The following FBXW2 variants were observed in gnomAD, a reference collection of about 807,000 sequenced individuals.
FBXW2 encodes F-box/WD repeat-containing protein 2.
A neutral mutation model predicts 46.0 loss-of-function variants in FBXW2; 12 were observed. The ratio of observed to expected loss-of-function variants is 0.26; its 90% CI spans 0.17 to 0.42. The LOEUF (loss-of-function observed/expected upper bound fraction) is 0.42, where lower values mean the gene tolerates loss of function less well. Among genes scored for constraint, FBXW2 ranks in the 10% least tolerant of loss-of-function variants. The probability of loss-of-function intolerance (pLI) is 1.00; values close to 1 mark genes in which losing one functional copy is unlikely to be tolerated. For synonymous variants in FBXW2, 203 were observed against 209.6 expected, an observed-to-expected ratio of 0.97 and a Z score of 0.27; for missense variants, 360 against 537.0, an observed-to-expected ratio of 0.67 and a Z score of 3.26.
intron 7 of FBXW2, among the ~76,000 whole-genome samples, chr9:120,767,356 T>G (rs552530094): frequency 2.0e-5 from 3 of 152,122 alleles, no homozygotes; most frequent in African/African-American, 7.2e-5. Flanking sequence ...CTAAAAGAGG[T>G]AGACATTTAG....
rs769379419 is a variant in FBXW2, at chr9:120,788,136, G to A, written c.123C>T (p.Leu41=). The change falls in exon 3 of 8, where the codon CTC becomes CTT. Residue 41 remains leucine (L), a synonymous_variant. Transcript: ENST00000608872. The part of the protein sequence containing the change: ...HLISLSGAVQ[L]RHLSNNLETL... ...TCTCTAGGTTATTGGAGAGATGCCT[G>A]AGCTGGACTGCCCCACTCAGACTAA... is the stretch of plus-strand genomic sequence containing the variant. 13 of 1,614,150 alleles carry A rather than the reference G, an allele frequency of 8.1e-6. No homozygotes were observed. The South Asian group carries it at 9.9e-5, about 12-fold the overall frequency.
intron 2 of FBXW2, chr9:120,792,831 C>T: frequency 7.4e-7 from 1 of 1,347,932 alleles, no homozygotes; most frequent in Non-Finnish European, 9.9e-7. Flanking sequence ...ACCATTATTA[C>T]TTAGCATTAA....
chr9:120,776,036 T>C, intron 5 of FBXW2, 57 bp downstream of exon 5: 4 of 1,600,964 alleles, frequency 2.5e-6, no homozygotes, highest in Non-Finnish European at 3.4e-6. Context: ...TCTACCATCC[T>C]CCACGCCCTC....
Position 120,788,045 on chromosome 9 carries a change from G to A in FBXW2, c.214C>T (p.Leu72Phe), listed in dbSNP as rs1296308040. 2 of 1,614,046 alleles carry A rather than the reference G, an allele frequency of 1.2e-6. No homozygotes were observed. The highest frequency in any genetic ancestry group is 1.7e-6 in the Non-Finnish European group (2 of 1,180,046). The change falls in exon 3 of 8, where the codon CTC becomes TTC. Residue 72 changes from leucine to phenylalanine, a missense_variant. Leu to Phe is a conservative substitution (Grantham distance 22). Transcript: ENST00000608872. ...LELSFYLLKW[L>F]DPQTLLTCCL... ...CATGTGAGTAAAGTCTGAGGATCGA[G>A]CCATTTTAACAAATAAAAACTGAGC...
intron 2 of FBXW2, among the ~76,000 whole-genome samples, chr9:120,790,384 T>A (rs1357587785): frequency 1.3e-5 from 2 of 151,988 alleles, no homozygotes; most frequent in Non-Finnish European, 2.9e-5. Flanking sequence ...GTCGGGAGGC[T>A]GAGGCAGGAG....
rs1033635834 is a variant in FBXW2, at chr9:120,764,302, C to G, written c.*257G>C. 6.0e-6 allele frequency: 3 copies of G among 497,490 alleles called. No homozygotes were observed. Among genetic ancestry groups the G allele is most frequent in the Non-Finnish European group, 1.1e-5 (3 of 279,196 alleles). The allele number at this position is 497,490 out of a possible 1,614,324, so 30.8% of individuals were successfully genotyped here. On this transcript the variant is annotated 3_prime_UTR_variant, in exon 8 of 8. Transcript: ENST00000608872. ...GAAAGATGAACCCAAAATGCATCCTCTAACACTGACCAACATAACTAAGTA... is the reference window on the plus strand; with the variant it reads ...GAAAGATGAACCCAAAATGCATCCTGTAACACTGACCAACATAACTAAGTA...
At chr9:120,771,276 T>C (rs2044369591) in intron 7 of FBXW2, 72 bp downstream of exon 7, 1 of 1,426,334 alleles carries the variant, frequency 7.0e-7, no homozygotes, top group African/African-American at 1.4e-5. Context: ...CATCCAAACA[T>C]TTAGTCTTGT....
At chr9:120,766,750 G>A (rs2044283249) in intron 7 of FBXW2, among the ~76,000 whole-genome samples, 1 of 152,194 alleles carries the variant, frequency 6.6e-6, no homozygotes, top group African/African-American at 2.4e-5. Flanking sequence ...GTGAGCCACT[G>A]CACCCAGCGT....
At chr9:120,782,481 C>CAAGT (rs2044637195) in intron 3 of FBXW2, among the ~76,000 whole-genome samples, 1 of 151,194 alleles carries the variant, frequency 6.6e-6, no homozygotes, top group Non-Finnish European at 1.5e-5. Flanking sequence ...AAAAATAAAA[C>CAAGT]AAGCAAGCAA....
At chr9:120,776,029 A>G in intron 5 of FBXW2, 64 bp downstream of exon 5, 3 of 1,590,330 alleles carry the variant, frequency 1.9e-6, no homozygotes, top group South Asian at 1.1e-5. Flanking sequence ...GGCAGTGTCT[A>G]CCATCCTCCA....
rs1320828548 is a variant in FBXW2 at position 120,762,547 on chromosome 9, CCA to C, written c.*2010_*2011del. On this transcript the variant is annotated 3_prime_UTR_variant, in exon 8 of 8. Coordinates refer to ENST00000608872, the MANE Select transcript of FBXW2 (RefSeq NM_012164.4). ...AAGATATTGTTCTTTTGCTTAAACCCCACAGAGTTTCAACATGGATATTAATG... is the reference window on the plus strand; with the variant it reads ...AAGATATTGTTCTTTTGCTTAAACCCCAGAGTTTCAACATGGATATTAATG... 6.6e-6 allele frequency: 1 copy of C among 152,110 alleles called. No individual in the cohort carries two copies. The highest frequency in any genetic ancestry group is 1.5e-5 in the Non-Finnish European group (1 of 68,018). The allele number at this position is 152,110 out of a possible 1,614,324, so 9.4% of individuals were successfully genotyped here.
At chr9:120,780,123 G>A (rs1404805033) in intron 3 of FBXW2, among the ~76,000 whole-genome samples, 2 of 150,158 alleles carry the variant, frequency 1.3e-5, no homozygotes, top group African/African-American at 4.9e-5. Context: ...GGACTACAGA[G>A]GGCCTCCACC....
rs1316315430 is a variant in FBXW2 at position 120,761,764 on chromosome 9, A to G, written c.*2795T>C. 6.6e-6 allele frequency: 1 copy of G among 152,086 alleles called. No homozygotes were observed. Among genetic ancestry groups the G allele is most frequent in the East Asian group, 1.9e-4 (1 of 5,186 alleles). 9.4% of individuals were successfully genotyped at this position (152,086 alleles called of 1,614,324 possible). On this transcript the variant is annotated 3_prime_UTR_variant, in exon 8 of 8. Transcript: ENST00000608872. ...TCTGCTGTCAAAATCCAGCTGCATG[A>G]TGATGCCACTGTACTCCAGCCTGTA...
chr9:120,769,013 G>C (rs1161674293), intron 7 of FBXW2, among the ~76,000 whole-genome samples: 5 of 152,172 alleles, frequency 3.3e-5, no homozygotes, highest in South Asian at 4.1e-4. Flanking sequence ...GTCTTGACAG[G>C]TTTGTGGCTT....
chr9:120,769,718 T>C (rs1179190577), intron 7 of FBXW2, among the ~76,000 whole-genome samples: 3 of 152,232 alleles, frequency 2.0e-5, no homozygotes, highest in Non-Finnish European at 2.9e-5. Flanking sequence ...TCTAGTACCA[T>C]AAGTATATAC....
chr9:120,790,993 T>A (rs1201084939), intron 2 of FBXW2, among the ~76,000 whole-genome samples: 1 of 152,168 alleles, frequency 6.6e-6, no homozygotes, highest in Non-Finnish European at 1.5e-5. Context: ...AACCACTCAA[T>A]CCCTTGTAAG....
At position 120,764,492 on chromosome 9, in the gene FBXW2, G is replaced by A. The variant is rs929057692; in HGVS notation, c.*67C>T. On this transcript the variant is annotated 3_prime_UTR_variant, in exon 8 of 8. Transcript: ENST00000608872. The stretch of plus-strand genomic sequence containing the variant: ...ACTTTGGTTCATGCAGTCGGCTGCC[G>A]CAGAGGTTGCACCCAAAACCCGCAG... The A allele has an allele frequency of 1.1e-5, 17 of 1,529,324 alleles. No homozygotes were observed. Among genetic ancestry groups the A allele is most frequent in the South Asian group, 4.8e-5 (4 of 83,050 alleles). 94.7% of individuals were successfully genotyped at this position (1,529,324 alleles called of 1,614,324 possible). A position where few individuals can be genotyped will look rare whatever the true frequency, so the allele number is the denominator to read the frequency against.
chr9:120,778,576 A>C (rs766160296), intron 3 of FBXW2, 31 bp from the exon 4 acceptor site: 35 of 1,589,008 alleles, frequency 2.2e-5, no homozygotes, highest in African/African-American at 4.0e-5. Flanking sequence ...GGTTAATAAG[A>C]AAACAAACAC....
chr9:120,773,919 AGT>A (rs2044433577), intron 5 of FBXW2, among the ~76,000 whole-genome samples: 1 of 152,226 alleles, frequency 6.6e-6, no homozygotes, highest in Admixed American at 6.5e-5. Context: ...GGCTAGGCAC[AGT>A]GGCTCATGCC....
Sources: gnomAD v4.1 joint callset for allele counts (sites outside exome capture counted in the v4.1 genomes callset) on GRCh38, gnomAD v4.1.1 for gene constraint, MANE v1.5 for transcripts, NCBI Gene and HGNC (gene_info 2026-07-23, HGNC 2026-07-21) for gene names.